CSMD3: variants seen among roughly 807,000 people sequenced by gnomAD.
CSMD3 encodes the protein CUB and Sushi multiple domains 3.
CSMD3 carries 177 observed loss-of-function variants against 435.2 expected under a neutral mutation model. That is an observed-to-expected ratio of 0.41 (90% CI 0.36 to 0.46). The LOEUF is 0.46. Ranked by LOEUF, CSMD3 falls within the 20% of genes least tolerant of loss-of-function variation. The pLI is 0.34. For synonymous variants in CSMD3, 1,656 were observed against 1,520.5 expected (o/e 1.09, Z -2.07); for missense variants, 4,265 against 4,504.6 (o/e 0.95, Z 1.52).
At chr8:112,462,932 C>A (rs1817595777) in intron 32 of CSMD3, among the ~76,000 whole-genome samples, 1 of 152,206 alleles carries the variant, frequency 6.6e-6, no homozygotes, top group African/African-American at 2.4e-5. Flanking sequence ...ACTCCACAGT[C>A]AATCTCCCTT....
At chr8:113,394,953 A>T (rs1295568101) in intron 1 of CSMD3, among the ~76,000 whole-genome samples, 8 of 152,166 alleles carry the variant, frequency 5.3e-5, no homozygotes. Context: ...GTTACAACAA[A>T]TAGAGAAAAA....
At chr8:112,747,790 C>T (rs1423260099) in intron 13 of CSMD3, among the ~76,000 whole-genome samples, 2 of 151,828 alleles carry the variant, frequency 1.3e-5, no homozygotes, top group Admixed American at 1.3e-4. Flanking sequence ...GGTGAAACCC[C>T]GTCTCTACTA....
intron 35 of CSMD3, among the ~76,000 whole-genome samples, chr8:112,401,510 G>T (rs1455445277): frequency 6.6e-6 from 1 of 151,688 alleles, no homozygotes; most frequent in Non-Finnish European, 1.5e-5. Flanking sequence ...CATAAACATT[G>T]GTTAAATATA....
At chr8:112,253,720 C>G (rs536928882) in intron 63 of CSMD3, among the ~76,000 whole-genome samples, 1 of 151,966 alleles carries the variant, frequency 6.6e-6, no homozygotes, top group African/African-American at 2.4e-5. Flanking sequence ...CCAAAGAATT[C>G]TAATGTAACA....
chr8:112,344,506 G>T (rs1825478286), intron 41 of CSMD3, among the ~76,000 whole-genome samples: 1 of 152,110 alleles, frequency 6.6e-6, no homozygotes, highest in Non-Finnish European at 1.5e-5. Context: ...CTCTGAGGTT[G>T]TAGATGCTTA....
intron 40 of CSMD3, among the ~76,000 whole-genome samples, chr8:112,346,648 TCACAGCCTTCCC>T (rs1265351570): frequency 2.0e-5 from 3 of 151,086 alleles, no homozygotes; most frequent in African/African-American, 7.3e-5. Context: ...GAAATCATTT[TCACAGCCTTCCC>T]TCCTTTTCCT....
At chr8:113,425,685 A>C (rs2094632298) in intron 1 of CSMD3, among the ~76,000 whole-genome samples, 1 of 151,638 alleles carries the variant, frequency 6.6e-6, no homozygotes, top group Middle Eastern at 3.4e-3. Context: ...AAAAAGATTA[A>C]ACAAATAAAA....
At chr8:112,335,308 G>T (rs1374013028) in intron 45 of CSMD3, 21 bp downstream of exon 45, 30 of 1,609,204 alleles carry the variant, frequency 1.9e-5, no homozygotes, top group Non-Finnish European at 2.5e-5. Flanking sequence ...AATGAAATAG[G>T]AACTCTCAGA....
intron 59 of CSMD3, among the ~76,000 whole-genome samples, chr8:112,279,910 T>C (rs570368390): frequency 6.6e-6 from 1 of 152,144 alleles, no homozygotes; most frequent in Non-Finnish European, 1.5e-5. Context: ...TATACGTGGG[T>C]ATCTCAACAG....
rs1030960272 is a variant in CSMD3, at chr8:113,302,275, T to C, written c.401+12296A>G. On this transcript the variant is annotated intron_variant, in intron 2 of 70. Coordinates refer to ENST00000297405, the MANE Select transcript of CSMD3 (RefSeq NM_198123.2). Reference sequence around the variant, plus strand: ...TATTATATAAAATATATATAATATATAATTATAATATATAATATAATATAA... The same window carrying C: ...TATTATATAAAATATATATAATATACAATTATAATATATAATATAATATAA... 4.2e-4 allele frequency among the ~76,000 whole-genome samples: 16 copies of C among 38,244 alleles called. 1 individual carries two copies. The East Asian group carries it at 0.013, about 32-fold the overall frequency. 25.1% of individuals were successfully genotyped at this position (38,244 alleles called of 152,430 possible). A position where few individuals can be genotyped will look rare whatever the true frequency, so the allele number is the denominator to read the frequency against.
intron 3 of CSMD3, among the ~76,000 whole-genome samples, chr8:113,203,270 TA>T (rs2092733342): frequency 6.6e-6 from 1 of 152,122 alleles, no homozygotes; most frequent in Non-Finnish European, 1.5e-5. Flanking sequence ...TTTAAATTTT[TA>T]AAATGTGTTT....
At chr8:112,883,645 A>T (rs1402272343) in intron 10 of CSMD3, among the ~76,000 whole-genome samples, 1 of 151,948 alleles carries the variant, frequency 6.6e-6, no homozygotes, top group African/African-American at 2.4e-5. Context: ...GAATGTTAAC[A>T]TCTCTTACAA....
intron 27 of CSMD3, among the ~76,000 whole-genome samples, chr8:112,542,106 T>C (rs947010038): frequency 4.2e-5 from 6 of 141,800 alleles, no homozygotes; most frequent in Non-Finnish European, 7.9e-5. Context: ...ATGCCTTTTC[T>C]TAAAAAAAAA....
intron 11 of CSMD3, among the ~76,000 whole-genome samples, chr8:112,842,769 A>G (rs2080217077): frequency 6.6e-6 from 1 of 151,844 alleles, no homozygotes; most frequent in Admixed American, 6.6e-5. Flanking sequence ...AGAATGTAAA[A>G]TATAGAAAGG....
chr8:113,150,469 G>A (rs549804935), intron 4 of CSMD3, among the ~76,000 whole-genome samples: 10 of 152,030 alleles, frequency 6.6e-5, no homozygotes, highest in South Asian at 2.1e-4. Context: ...ATAAGGAACC[G>A]AATTCTGACA....
At chr8:113,233,241 A>T (rs939430285) in intron 3 of CSMD3, among the ~76,000 whole-genome samples, 2 of 149,780 alleles carry the variant, frequency 1.3e-5, no homozygotes, top group African/African-American at 4.8e-5. Flanking sequence ...TCAATTGATA[A>T]CTGTTCATAT....
rs534915556 is a variant in CSMD3, at chr8:112,601,113, C to A, written c.3716-13878G>T. 2.0e-5 allele frequency among the ~76,000 whole-genome samples: 3 copies of A among 151,766 alleles called. No homozygotes were observed. The East Asian group carries it at 5.8e-4, about 29-fold the overall frequency. ...AAGCAGTAATTGCTGAAAACAAGAACAAAATATACTTCTTTTATCTAATAG... is the reference window on the plus strand; with the variant it reads ...AAGCAGTAATTGCTGAAAACAAGAAAAAAATATACTTCTTTTATCTAATAG... On this transcript the variant is annotated intron_variant, in intron 22 of 70. Transcript: ENST00000297405.
At chr8:113,389,075 A>C (rs1383133713) in intron 1 of CSMD3, among the ~76,000 whole-genome samples, 3 of 151,678 alleles carry the variant, frequency 2.0e-5, no homozygotes, top group Non-Finnish European at 4.4e-5. Context: ...TTTTAATAAA[A>C]TATAAAATGT....
intron 1 of CSMD3, among the ~76,000 whole-genome samples, chr8:113,380,766 T>C (rs146722386): frequency 6.6e-6 from 1 of 152,320 alleles, no homozygotes; most frequent in African/African-American, 2.4e-5. Context: ...AGGTTCCCTT[T>C]TGCCCAAGGA....
Sources: allele counts gnomAD v4.1 joint callset (sites outside exome capture counted in the v4.1 genomes callset), GRCh38; gene constraint gnomAD v4.1.1; transcripts MANE v1.5; gene names NCBI Gene and HGNC (gene_info 2026-07-23, HGNC 2026-07-21).